Variants in MYH14 observed in about 807,000 individuals in gnomAD.
MYH14 encodes myosin heavy chain 14.
In MYH14, 123 loss-of-function variants were observed where a neutral mutation model predicts 255.5. The ratio of observed to expected loss-of-function variants is 0.48; its 90% CI spans 0.42 to 0.56. The LOEUF (loss-of-function observed/expected upper bound fraction) is 0.56, where lower values mean the gene tolerates loss of function less well. MYH14 is among the 20% of genes least tolerant of loss of function. The probability of loss-of-function intolerance (pLI) is 0.00; values close to 1 mark genes in which losing one functional copy is unlikely to be tolerated. For missense variants in MYH14, 2,423 were observed against 2,802.3 expected (o/e 0.86, Z 3.06); for synonymous variants, 1,095 against 1,161.2 (o/e 0.94, Z 1.16).
chr19:50,304,342 C>G (rs1306817854), intron 40 of MYH14, among the ~76,000 whole-genome samples: 1 of 152,204 alleles, frequency 6.6e-6, no homozygotes, highest in East Asian at 1.9e-4. Flanking sequence ...GTAATCCCAG[C>G]ACTTTGGGAG....
At chr19:50,219,641 T>C (rs1201716444) in intron 3 of MYH14, among the ~76,000 whole-genome samples, 1 of 151,876 alleles carries the variant, frequency 6.6e-6, no homozygotes, top group African/African-American at 2.4e-5. Context: ...TGTCACGGGG[T>C]AAATGTAGCC....
rs781094492 is a variant in MYH14, at chr19:50,281,547, T to C, written c.4291-47T>C. 16 of 1,523,288 alleles carry C rather than the reference T, an allele frequency of 1.1e-5. 1 individual carries two copies. In the South Asian group the frequency reaches 2.1e-4, roughly 20 times the overall value. 94.4% of individuals were successfully genotyped at this position (1,523,288 alleles called of 1,614,324 possible). A position where few individuals can be genotyped will look rare whatever the true frequency, so the allele number is the denominator to read the frequency against. On this transcript the variant is annotated intron_variant, in intron 32 of 42. Coordinates refer to ENST00000642316, the MANE Select transcript of MYH14 (RefSeq NM_001145809.2). ...GGAGCACCACCAGCTTACACCTTGGTCACTCATGGCCGTGACCACCAACCA... is the reference window on the plus strand; with the variant it reads ...GGAGCACCACCAGCTTACACCTTGGCCACTCATGGCCGTGACCACCAACCA...
At chr19:50,271,578 G>A in intron 25 of MYH14, 32 bp downstream of exon 25, 1 of 1,593,382 alleles carries the variant, frequency 6.3e-7, no homozygotes, top group Non-Finnish European at 8.5e-7. Flanking sequence ...GGGAAAGTGG[G>A]GATGGGGTGC....
Position 50,230,773 on chromosome 19 carries a change from G to A in MYH14, c.973+150G>A. 3.0e-6 allele frequency: 2 copies of A among 656,212 alleles called. No homozygotes were observed. The highest frequency in any genetic ancestry group is 2.8e-5 in the East Asian group (1 of 36,240). The allele number at this position is 656,212 out of a possible 1,614,324, so 40.6% of individuals were successfully genotyped here. On this transcript the variant is annotated intron_variant, in intron 9 of 42. Coordinates refer to ENST00000642316, the MANE Select transcript of MYH14 (RefSeq NM_001145809.2). This position sits in a 1 kb window ranked among gnomAD's most constrained non-coding sequence, Gnocchi z 4.7. The stretch of plus-strand genomic sequence containing the variant: ...TGAGGCTCCCGCAGCCCCTGCTCTC[G>A]CTGCGTAGTGGCGTCTGTCGCACGG...
At chr19:50,279,733 C>T (rs568108909) in intron 30 of MYH14, among the ~76,000 whole-genome samples, 7 of 152,334 alleles carry the variant, frequency 4.6e-5, no homozygotes, top group South Asian at 2.1e-4. Flanking sequence ...TTTATCCATT[C>T]GTTTATTGAT....
At chr19:50,219,116 A>ATG (rs1484228609) in intron 3 of MYH14, among the ~76,000 whole-genome samples, 12 of 141,932 alleles carry the variant, frequency 8.5e-5, no homozygotes, top group East Asian at 2.2e-4. Context: ...CATGGGATAT[A>ATG]TATGTGTGTG....
At chr19:50,210,915 T>G (rs941129780) in intron 2 of MYH14, 145 bp downstream of exon 2, 4 of 1,379,290 alleles carry the variant, frequency 2.9e-6, no homozygotes, top group East Asian at 5.5e-5. Flanking sequence ...ACTTACATGG[T>G]TGCCAAATTA....
chr19:50,292,804 A>T (rs1359585659), intron 37 of MYH14, among the ~76,000 whole-genome samples: 1 of 151,242 alleles, frequency 6.6e-6, no homozygotes, highest in Non-Finnish European at 1.5e-5. Flanking sequence ...AGAGAGAGAG[A>T]GATTGAGAAA....
chr19:50,287,747 A>G (rs927702093), intron 34 of MYH14, among the ~76,000 whole-genome samples: 4 of 152,202 alleles, frequency 2.6e-5, no homozygotes, highest in African/African-American at 9.7e-5. Flanking sequence ...ATTCATGTGC[A>G]TATGTACACA....
In MYH14 at chr19:50,261,595, G is replaced by A. The variant is rs1176462242; in HGVS notation, c.2545G>A (p.Val849Ile). 11 of 1,603,908 alleles carry A rather than the reference G, an allele frequency of 6.9e-6. No individual in the cohort carries two copies. The highest frequency in any genetic ancestry group is 3.4e-5 in the Admixed American group (2 of 59,188). Residue 849 changes from valine (V) to isoleucine (I), a missense_variant, in exon 21 of 43, where the codon GTC (valine) becomes ATC (isoleucine). Physicochemically the swap from Val to Ile is conservative, Grantham distance 29. Around this residue, in one of 3 missense-constraint regions of MYH14, gnomAD observed 1,513 missense variants for 1,674.8 expected, o/e 0.90. Transcript: ENST00000642316. ...AGACCTGAAGGTCACCGACATCATC[G>A]TCTCCTTCCAGGCAGCTGCCCGGGG... ...ERDLKVTDIIVSFQAAARGYL... is the reference protein window; with the variant it reads ...ERDLKVTDIIISFQAAARGYL...
chr19:50,278,131 T>A lies in MYH14; in HGVS notation c.3874T>A (p.Ser1292Thr). 6.2e-7 allele frequency: 1 copy of A among 1,603,756 alleles called. No individual in the cohort carries two copies. Among genetic ancestry groups the A allele is most frequent in the Non-Finnish European group, 8.5e-7 (1 of 1,172,356 alleles). The change falls in exon 30 of 43, where the codon TCC (serine) becomes ACC (threonine). Residue 1292 changes from serine to threonine, a missense_variant. Coordinates refer to ENST00000642316, the MANE Select transcript of MYH14 (RefSeq NM_001145809.2). ...KTRLALEAEV[S>T]ELRAELSSLQ... is the part of the protein sequence containing the mutation. ...CCGGCTGGCCCTGGAGGCCGAGGTG[T>A]CCGAGCTGCGGGCAGAACTGAGCAG...
At chr19:50,281,869 G>C in intron 33 of MYH14, 27 bp downstream of exon 33, 1 of 1,601,956 alleles carries the variant, frequency 6.2e-7, no homozygotes, top group Non-Finnish European at 8.5e-7. Context: ...CACCCAGCCG[G>C]GGAATCAGCA....
intron 2 of MYH14, among the ~76,000 whole-genome samples, chr19:50,215,664 T>A (rs73060998): frequency 0.25 from 38,597 of 151,890 alleles, 5,325 homozygotes; most frequent in South Asian, 0.38. Flanking sequence ...GTAAAAATTT[T>A]AAAAATTGGC....
At chr19:50,262,656 G>T (rs2034926790) in intron 21 of MYH14, among the ~76,000 whole-genome samples, 1 of 152,054 alleles carries the variant, frequency 6.6e-6, no homozygotes, top group Non-Finnish European at 1.5e-5. Context: ...GCAGGGGAGG[G>T]GTGGGTCAGC....
chr19:50,302,531 C>T (rs1339259138), intron 40 of MYH14, among the ~76,000 whole-genome samples: 9 of 149,876 alleles, frequency 6.0e-5, no homozygotes, highest in African/African-American at 9.9e-5. Context: ...TGCAGTGAGC[C>T]GAGATTGCGC....
chr19:50,294,351 G>T (rs891438523), intron 39 of MYH14, among the ~76,000 whole-genome samples: 1 of 152,004 alleles, frequency 6.6e-6, no homozygotes, highest in Non-Finnish European at 1.5e-5. Flanking sequence ...TAAAGGAAGT[G>T]TAAGAGTTTG....
rs1178174786 is a variant in MYH14 at position 50,309,188 on chromosome 19, C to A, written c.5960+11C>A. 3 of 1,613,378 alleles carry A rather than the reference C, an allele frequency of 1.9e-6. No individual in the cohort carries two copies. Among genetic ancestry groups the A allele is most frequent in the Non-Finnish European group, 1.7e-6 (2 of 1,179,394 alleles). On this transcript the variant is annotated intron_variant, in intron 42 of 42. Coordinates refer to ENST00000642316, the MANE Select transcript of MYH14 (RefSeq NM_001145809.2). Reference sequence around the variant, plus strand: ...GAGGAACCGGCTTCGGTATGGTCATCCCACGTACAGGCCTGACGGGTGGGG... The same window carrying A: ...GAGGAACCGGCTTCGGTATGGTCATACCACGTACAGGCCTGACGGGTGGGG...
intron 40 of MYH14, among the ~76,000 whole-genome samples, chr19:50,306,654 C>T (rs2036663302): frequency 6.6e-6 from 1 of 152,094 alleles, no homozygotes; most frequent in South Asian, 2.1e-4. Context: ...TAAGTATCCT[C>T]TTTATAGGGG....
At chr19:50,203,855 G>C (rs1301034282) in intron 1 of MYH14, among the ~76,000 whole-genome samples, 184 bp downstream of exon 1, 1 of 151,694 alleles carries the variant, frequency 6.6e-6, no homozygotes, top group African/African-American at 2.4e-5. Context: ...GTGGGGGGGC[G>C]GGACGTCTAC....
Sources: gnomAD v4.1 joint callset for allele counts (sites outside exome capture counted in the v4.1 genomes callset) on GRCh38, gnomAD v4.1.1 for gene constraint, gnomAD v4.1.1 regional missense constraint, Gnocchi (gnomAD v3.1) non-coding constraint, MANE v1.5 for transcripts, NCBI Gene and HGNC (gene_info 2026-07-23, HGNC 2026-07-21) for gene names.